The following BMP7 variants were observed in gnomAD, a reference collection of about 807,000 sequenced individuals.
BMP7 encodes osteogenic protein 1.
BMP7 carries 12 observed loss-of-function variants against 41.2 expected under a neutral mutation model. That is an observed-to-expected ratio of 0.29 (90% confidence interval 0.19 to 0.47). The LOEUF (loss-of-function observed/expected upper bound fraction) is 0.47, where lower values mean the gene tolerates loss of function less well. BMP7 is among the 20% of genes least tolerant of loss of function. The probability of loss-of-function intolerance (pLI) is 0.99; values close to 1 mark genes in which losing one functional copy is unlikely to be tolerated. For missense variants in BMP7, 467 were observed against 606.0 expected, an observed-to-expected ratio of 0.77 and a Z score of 2.41; for synonymous variants, 248 against 250.0, an observed-to-expected ratio of 0.99 and a Z score of 0.07.
rs1367014370 is a variant in BMP7 at position 57,224,902 on chromosome 20, C to T, written c.611+3327G>A. ...CATTATCGGAATTTAATCTGGATTC[C>T]GAGAGATCAAGAGGAGTCAGTGGAA... On this transcript the variant is annotated intron_variant, in intron 2 of 6. Transcript: ENST00000395863. The surrounding 1 kb of genome is among the most constrained non-coding windows in gnomAD (Gnocchi z 4.8). 1 of 152,288 alleles carries T rather than the reference C, an allele frequency of 6.6e-6. No homozygotes were observed. Among genetic ancestry groups the T allele is most frequent in the East Asian group, 1.9e-4 (1 of 5,202 alleles). The allele number at this position is 152,288 out of a possible 1,614,324, so 9.4% of individuals were successfully genotyped here.
At chr20:57,206,358 T>G (rs773677576) in intron 2 of BMP7, among the ~76,000 whole-genome samples, 1 of 152,194 alleles carries the variant, frequency 6.6e-6, no homozygotes, top group Non-Finnish European at 1.5e-5. Context: ...AAAGTCCTGT[T>G]ACTGTTTTAC....
intron 1 of BMP7, among the ~76,000 whole-genome samples, chr20:57,252,609 T>G (rs960050940): frequency 2.0e-5 from 3 of 152,344 alleles, no homozygotes; most frequent in Admixed American, 2.0e-4. Context: ...CAATGCTTGC[T>G]CGTTAGAGAC....
intron 1 of BMP7, among the ~76,000 whole-genome samples, chr20:57,263,678 C>G (rs765259264): frequency 6.6e-6 from 1 of 152,204 alleles, no homozygotes; most frequent in Non-Finnish European, 1.5e-5. Context: ...TGCTATAAAT[C>G]CCCCACCAGA....
intron 1 of BMP7, among the ~76,000 whole-genome samples, chr20:57,263,137 A>T (rs1051025947): frequency 6.6e-6 from 1 of 152,196 alleles, no homozygotes; most frequent in African/African-American, 2.4e-5. Context: ...GAGTTTAGGG[A>T]CAGAGAGAGA....
intron 1 of BMP7, among the ~76,000 whole-genome samples, chr20:57,238,732 G>C (rs958803893): frequency 2.0e-5 from 3 of 152,002 alleles, no homozygotes; most frequent in Non-Finnish European, 2.9e-5. Flanking sequence ...TGGACTTGCA[G>C]CTCCACATGG....
chr20:57,193,610 C>T (rs1054790589), intron 3 of BMP7, among the ~76,000 whole-genome samples: 3 of 152,228 alleles, frequency 2.0e-5, no homozygotes, highest in Admixed American at 1.3e-4. Flanking sequence ...AGATCATCCA[C>T]GTAGCTGCAT....
chr20:57,264,454 CCGCAGCG>C (rs1168330280), intron 1 of BMP7, among the ~76,000 whole-genome samples: 1 of 152,200 alleles, frequency 6.6e-6, no homozygotes, highest in South Asian at 2.1e-4. Context: ...ATCATCAGTC[CCGCAGCG>C]CGCTGGCGCT....
At chr20:57,220,063 C>A (rs1007556) in intron 2 of BMP7, among the ~76,000 whole-genome samples, 15,858 of 152,176 alleles carry the variant, frequency 0.1, 2,756 homozygotes, top group African/African-American at 0.36. Flanking sequence ...GGGTGGCATG[C>A]GTGCTGGAAT....
In BMP7 at chr20:57,265,698, TA is replaced by T. The variant is rs1568734648; in HGVS notation, c.418+6del. 6.3e-7 allele frequency: 1 copy of T among 1,598,688 alleles called. No homozygotes were observed. The highest frequency in any genetic ancestry group is 8.5e-7 in the Non-Finnish European group (1 of 1,172,616). On this transcript the variant is annotated splice_donor_region_variant and intron_variant, in intron 1 of 6. Transcript: ENST00000395863. ...GGAGACGCGTACCCTCGCCTGCCCT[TA>T]CTCACCGAGGTTGACGAAGCTCATG...
intron 2 of BMP7, among the ~76,000 whole-genome samples, chr20:57,211,668 G>C (rs6025445): frequency 0.041 from 6,293 of 152,262 alleles, 413 homozygotes; most frequent in African/African-American, 0.14. Flanking sequence ...CCTGATAACA[G>C]GGGAGGCAGG....
chr20:57,232,668 T>A (rs1292094475), intron 1 of BMP7, among the ~76,000 whole-genome samples: 4 of 152,214 alleles, frequency 2.6e-5, no homozygotes, highest in Non-Finnish European at 5.9e-5. Flanking sequence ...AGTGAGGAAC[T>A]AAATTTCTTG....
chr20:57,216,511 G>C lies in BMP7; in HGVS notation c.611+11718C>G, dbSNP rs192909239. Among the ~76,000 whole-genome samples the C allele has an allele frequency of 9.4e-3, 1,403 of 149,300 alleles. 8 individuals are homozygous for C. Among genetic ancestry groups the C allele is most frequent in the Middle Eastern group, 0.027 (8 of 292 alleles). The stretch of plus-strand genomic sequence containing the variant: ...GGGCGCTGTCTCCTGAGGGCGAGGG[G>C]GCTGTCTCCTGAGGGCGAGGGGGCT... On this transcript the variant is annotated intron_variant, in intron 2 of 6. Transcript: ENST00000395863.
At chr20:57,249,319 G>T (rs1003139339) in intron 1 of BMP7, among the ~76,000 whole-genome samples, 5 of 151,976 alleles carry the variant, frequency 3.3e-5, no homozygotes, top group Non-Finnish European at 7.4e-5. Flanking sequence ...TATGATACAG[G>T]TCCTACACTC....
chr20:57,248,556 C>T (rs552858381), intron 1 of BMP7, among the ~76,000 whole-genome samples: 43 of 152,214 alleles, frequency 2.8e-4, no homozygotes, highest in African/African-American at 5.3e-4. Context: ...CTGGCTGGGG[C>T]GGCAGCAGCC....
At chr20:57,220,912 C>T (rs1189888261) in intron 2 of BMP7, among the ~76,000 whole-genome samples, 4 of 152,134 alleles carry the variant, frequency 2.6e-5, no homozygotes, top group African/African-American at 4.8e-5. Context: ...ATACTGTGGC[C>T]GGCACTCACT....
chr20:57,198,538 TC>T (rs1984554269), intron 3 of BMP7, among the ~76,000 whole-genome samples: 1 of 152,160 alleles, frequency 6.6e-6, no homozygotes, highest in African/African-American at 2.4e-5. Flanking sequence ...TATAGGCTTC[TC>T]CCCGCGAGGG....
intron 1 of BMP7, among the ~76,000 whole-genome samples, chr20:57,245,034 C>A (rs373363929): frequency 3.9e-5 from 6 of 152,184 alleles, no homozygotes; most frequent in African/African-American, 1.4e-4. Flanking sequence ...GCCCCTGTCT[C>A]CCTTTCAAAA....
chr20:57,195,264 T>C (rs1984466114), intron 3 of BMP7, among the ~76,000 whole-genome samples: 1 of 152,142 alleles, frequency 6.6e-6, no homozygotes, highest in South Asian at 2.1e-4. Context: ...CTTGTGGCTT[T>C]TTTGTTTTCC....
chr20:57,182,764 C>G (rs926299888), intron 4 of BMP7, among the ~76,000 whole-genome samples: 1 of 152,256 alleles, frequency 6.6e-6, no homozygotes, highest in African/African-American at 2.4e-5. Context: ...CTTTAGAGGA[C>G]CTGCAGAGCA....
Sources: gnomAD v4.1 joint callset for allele counts (sites outside exome capture counted in the v4.1 genomes callset) on GRCh38, gnomAD v4.1.1 for gene constraint, Gnocchi (gnomAD v3.1) non-coding constraint, MANE v1.5 for transcripts, NCBI Gene and HGNC (gene_info 2026-07-23, HGNC 2026-07-21) for gene names.